Variants in MAP2K6 observed in about 807,000 individuals in gnomAD.
The protein encoded by MAP2K6 is mitogen-activated protein kinase kinase 6, also known as dual specificity mitogen-activated protein kinase kinase 6.
A neutral mutation model predicts 53.7 loss-of-function variants in MAP2K6; 16 were observed. The observed-to-expected ratio is 0.30, with a 90% CI of 0.20 to 0.45. The LOEUF (loss-of-function observed/expected upper bound fraction) is 0.45, where lower values mean the gene tolerates loss of function less well. Among genes scored for constraint, MAP2K6 ranks in the 20% least tolerant of loss-of-function variants. The pLI is 1.00. For missense variants in MAP2K6, 204 were observed against 411.9 expected, an observed-to-expected ratio of 0.50 and a Z score of 4.37; for synonymous variants, 132 against 143.1, an observed-to-expected ratio of 0.92 and a Z score of 0.55.
intron 1 of MAP2K6, among the ~76,000 whole-genome samples, chr17:69,496,930 C>G (rs1293039814): frequency 6.6e-6 from 1 of 152,230 alleles, no homozygotes; most frequent in African/African-American, 2.4e-5. Context: ...GGTGGAAAAG[C>G]CAGATGACGA....
chr17:69,459,548 C>G (rs1185517298), intron 1 of MAP2K6, among the ~76,000 whole-genome samples: 1 of 151,590 alleles, frequency 6.6e-6, no homozygotes, highest in Non-Finnish European at 1.5e-5. Flanking sequence ...CCTGTCTCAA[C>G]TAAAGATACA....
intron 2 of MAP2K6, among the ~76,000 whole-genome samples, chr17:69,511,512 G>A (rs1213587412): frequency 1.3e-5 from 2 of 152,172 alleles, no homozygotes; most frequent in African/African-American, 2.4e-5. Flanking sequence ...CGATGCCAGT[G>A]TGAGCTGTCC....
At chr17:69,501,867 G>T (rs1325028614) in intron 1 of MAP2K6, 4 of 147,200 alleles carry the variant, frequency 2.7e-5, no homozygotes, top group Non-Finnish European at 5.9e-5. Context: ...GGCAAAGACT[G>T]TTGAACATAG....
chr17:69,432,051 G>C (rs1391941915), intron 1 of MAP2K6, among the ~76,000 whole-genome samples: 1 of 152,206 alleles, frequency 6.6e-6, no homozygotes. Flanking sequence ...GCTTATCTGG[G>C]TAGGGGTCAC....
chr17:69,439,241 C>T (rs1906741583), intron 1 of MAP2K6, among the ~76,000 whole-genome samples: 2 of 152,208 alleles, frequency 1.3e-5, no homozygotes, highest in Admixed American at 6.5e-5. Context: ...GTCTCCATCT[C>T]TCCCTGCCCT....
At chr17:69,486,418 G>A (rs939145803) in intron 1 of MAP2K6, among the ~76,000 whole-genome samples, 2 of 152,198 alleles carry the variant, frequency 1.3e-5, no homozygotes, top group Non-Finnish European at 2.9e-5. Context: ...ATTTCACTTT[G>A]AATGTTAAGG....
chr17:69,552,742 T>C lies in MAP2K6; in HGVS notation c.*10989T>C, dbSNP rs145197196. ...TAAGGCCTCAGGATTGTATTTAAAA[T>C]ACCTGTTTTGTGGGACAGCATGCCT... is the stretch of plus-strand genomic sequence containing the variant. On this transcript the variant is annotated 3_prime_UTR_variant, in exon 12 of 12. Transcript: ENST00000590474. 14 of 152,336 alleles carry C rather than the reference T, an allele frequency of 9.2e-5. No homozygotes were observed. The East Asian group carries it at 2.7e-3, about 29-fold the overall frequency. The allele number at this position is 152,336 out of a possible 1,614,324, so 9.4% of individuals were successfully genotyped here.
chr17:69,444,282 T>C (rs1428569576), intron 1 of MAP2K6, among the ~76,000 whole-genome samples: 1 of 152,188 alleles, frequency 6.6e-6, no homozygotes. Context: ...GGCACCTCAC[T>C]GGGAGGTTTT....
At chr17:69,459,266 A>G (rs1158347225) in intron 1 of MAP2K6, among the ~76,000 whole-genome samples, 1 of 152,202 alleles carries the variant, frequency 6.6e-6, no homozygotes, top group Non-Finnish European at 1.5e-5. Flanking sequence ...GATGGTTAAT[A>G]TTATGTAGTT....
intron 1 of MAP2K6, among the ~76,000 whole-genome samples, chr17:69,430,837 A>G (rs1435525490): frequency 6.6e-6 from 1 of 152,224 alleles, no homozygotes; most frequent in East Asian, 1.9e-4. Flanking sequence ...CTGGACTTCT[A>G]CATTCAAGGC....
chr17:69,452,511 C>G (rs1342566427), intron 1 of MAP2K6, among the ~76,000 whole-genome samples: 3 of 152,038 alleles, frequency 2.0e-5, no homozygotes, highest in Admixed American at 6.6e-5. Context: ...TTTTTAAAGC[C>G]CTACCTGCCT....
intron 1 of MAP2K6, among the ~76,000 whole-genome samples, chr17:69,442,227 C>T (rs1906842685): frequency 6.6e-6 from 1 of 152,086 alleles, no homozygotes. Flanking sequence ...CATCTTTTAC[C>T]TTCCAAATGT....
intron 1 of MAP2K6, among the ~76,000 whole-genome samples, chr17:69,489,000 C>A (rs1908647393): frequency 6.6e-6 from 1 of 152,008 alleles, no homozygotes; most frequent in South Asian, 2.1e-4. Context: ...GTGGGTGGAT[C>A]ACCTGAGGTC....
intron 1 of MAP2K6, among the ~76,000 whole-genome samples, chr17:69,489,176 C>A (rs532711802): frequency 2.0e-5 from 3 of 146,814 alleles, no homozygotes; most frequent in Admixed American, 1.4e-4. Flanking sequence ...GCTGAGATTG[C>A]GCCATTGCAC....
chr17:69,505,795 C>T lies in MAP2K6; in HGVS notation c.32C>T (p.Pro11Leu). The T allele has an allele frequency of 6.2e-7, 1 of 1,613,912 alleles. No individual in the cohort carries two copies. Among genetic ancestry groups the T allele is most frequent in the Non-Finnish European group, 8.5e-7 (1 of 1,179,826 alleles). The stretch of plus-strand genomic sequence containing the variant: ...TTCCCCATAGGCAAGAAGCGAAACC[C>T]TGGCCTTAAAATTCCAAAAGAAGCA... MSQSKGKKRN[P>L]GLKIPKEAFE... The change falls in exon 2 of 12, where the codon CCT becomes CTT. Residue 11 changes from proline (P) to leucine (L), a missense_variant. Transcript: ENST00000590474.
At chr17:69,529,320 A>G (rs1322211071) in intron 10 of MAP2K6, among the ~76,000 whole-genome samples, 12 of 152,084 alleles carry the variant, frequency 7.9e-5, no homozygotes, top group Admixed American at 7.2e-4. Context: ...TGGACCTGCC[A>G]TCAACTAGTT....
chr17:69,551,405 T>G lies in MAP2K6; in HGVS notation c.*9652T>G, dbSNP rs2144895361. ...TCATGAACTGCACACAAGGGAATGC[T>G]TAAACACCAGCTGAGTCATATCAGG... On this transcript the variant is annotated 3_prime_UTR_variant, in exon 12 of 12. Coordinates refer to ENST00000590474, the MANE Select transcript of MAP2K6 (RefSeq NM_002758.4). The G allele has an allele frequency of 6.6e-6, 1 of 152,346 alleles. No homozygotes were observed. The highest frequency in any genetic ancestry group is 1.5e-5 in the Non-Finnish European group (1 of 68,040). 9.4% of individuals were successfully genotyped at this position (152,346 alleles called of 1,614,324 possible). A position where few individuals can be genotyped will look rare whatever the true frequency, so the allele number is the denominator to read the frequency against.
intron 2 of MAP2K6, among the ~76,000 whole-genome samples, chr17:69,511,678 G>A (rs1480610814): frequency 6.6e-6 from 1 of 152,206 alleles, no homozygotes; most frequent in Non-Finnish European, 1.5e-5. Flanking sequence ...ATTGCTCCAA[G>A]CTGTTGAGCA....
chr17:69,454,428 A>C (rs1252507429), intron 1 of MAP2K6, among the ~76,000 whole-genome samples: 1 of 152,212 alleles, frequency 6.6e-6, no homozygotes, highest in Non-Finnish European at 1.5e-5. Context: ...TCTGTTGCCC[A>C]GGCTGGAGTG....
Sources: gnomAD v4.1 joint callset for allele counts (sites outside exome capture counted in the v4.1 genomes callset) on GRCh38, gnomAD v4.1.1 for gene constraint, MANE v1.5 for transcripts, NCBI Gene and HGNC (gene_info 2026-07-23, HGNC 2026-07-21) for gene names.